Variants in ZNF438 observed in about 807,000 individuals in gnomAD.
ZNF438 encodes the protein zinc finger protein 438.
Under a neutral mutation model 38.0 loss-of-function variants are expected in ZNF438, and 25 were observed. That is an observed-to-expected ratio of 0.66 (90% CI 0.48 to 0.92). ZNF438 has a LOEUF of 0.92. Among genes scored for constraint, ZNF438 ranks in the 40% least tolerant of loss-of-function variants. The pLI is 0.00. For missense variants in ZNF438, 1,007 were observed against 999.6 expected, an observed-to-expected ratio of 1.01 and a Z score of -0.10; for synonymous variants, 372 against 364.1, an observed-to-expected ratio of 1.02 and a Z score of -0.25.
intron 1 of ZNF438, among the ~76,000 whole-genome samples, chr10:31,022,923 A>C (rs1017033364): frequency 3.3e-5 from 5 of 152,166 alleles, no homozygotes; most frequent in African/African-American, 1.2e-4. Flanking sequence ...GGAATGAACA[A>C]ACTTATTTCT....
intron 2 of ZNF438, among the ~76,000 whole-genome samples, chr10:30,932,095 C>CAAT (rs2045758780): frequency 6.6e-6 from 1 of 152,130 alleles, no homozygotes. Context: ...ACCCAACAGG[C>CAAT]AATATCTAAG....
At chr10:31,025,258 T>G (rs932864643) in intron 1 of ZNF438, among the ~76,000 whole-genome samples, 12 of 152,236 alleles carry the variant, frequency 7.9e-5, no homozygotes, top group Non-Finnish European at 1.6e-4. Context: ...TACTGACATT[T>G]TGAACTGGAT....
At chr10:30,919,077 C>T (rs565103933) in intron 2 of ZNF438, 2 of 152,326 alleles carry the variant, frequency 1.3e-5, no homozygotes, top group South Asian at 2.1e-4. Context: ...AGGATTCCTA[C>T]TTGGCCTTCT....
chr10:30,879,039 C>T (rs1240642600), intron 3 of ZNF438, among the ~76,000 whole-genome samples: 1 of 152,094 alleles, frequency 6.6e-6, no homozygotes, highest in African/African-American at 2.4e-5. Context: ...TTCCAGAATA[C>T]TGGAAAAGAG....
intron 1 of ZNF438, among the ~76,000 whole-genome samples, chr10:31,001,458 A>G (rs534279282): frequency 1.3e-5 from 2 of 152,320 alleles, no homozygotes; most frequent in African/African-American, 4.8e-5. Context: ...GAGTTCAATC[A>G]GATAATTGGA....
chr10:30,972,121 C>G (rs796741494), intron 1 of ZNF438, among the ~76,000 whole-genome samples: 2 of 141,820 alleles, frequency 1.4e-5, no homozygotes, highest in East Asian at 2.1e-4. Flanking sequence ...AGGTGCCCAC[C>G]ACCACGCCTG....
intron 1 of ZNF438, among the ~76,000 whole-genome samples, chr10:31,028,562 T>C (rs1190933747): frequency 6.6e-6 from 1 of 152,144 alleles, no homozygotes; most frequent in East Asian, 1.9e-4. Context: ...GCCCTTTTCA[T>C]GCCCCATCTC....
At chr10:31,017,318 T>C (rs2056271305) in intron 1 of ZNF438, among the ~76,000 whole-genome samples, 1 of 152,216 alleles carries the variant, frequency 6.6e-6, no homozygotes, top group South Asian at 2.1e-4. Context: ...TCCATTATCC[T>C]TTCTGGTCAT....
intron 4 of ZNF438, among the ~76,000 whole-genome samples, chr10:30,851,444 G>A (rs1040691220): frequency 1.3e-5 from 2 of 152,190 alleles, no homozygotes; most frequent in African/African-American, 2.4e-5. Context: ...ACATTTACTA[G>A]GCACCTACAT....
intron 1 of ZNF438, among the ~76,000 whole-genome samples, chr10:31,023,835 T>C (rs1027281407): frequency 3.9e-5 from 6 of 152,240 alleles, no homozygotes; most frequent in Admixed American, 6.5e-5. Context: ...ACTCTAAGTT[T>C]AAAGCTGGCT....
intron 1 of ZNF438, among the ~76,000 whole-genome samples, chr10:31,021,649 G>C (rs940838143): frequency 1.3e-5 from 2 of 152,056 alleles, no homozygotes; most frequent in African/African-American, 4.8e-5. Flanking sequence ...AATGATGTTA[G>C]ACAAATAGCA....
intron 2 of ZNF438, among the ~76,000 whole-genome samples, chr10:30,927,357 C>A (rs145938807): frequency 1.3e-5 from 2 of 152,220 alleles, no homozygotes; most frequent in African/African-American, 4.8e-5. Context: ...CCACAAAGGG[C>A]ATGTTCCCCA....
At chr10:30,961,810 C>T (rs1328090304) in intron 1 of ZNF438, among the ~76,000 whole-genome samples, 1 of 144,230 alleles carries the variant, frequency 6.9e-6, no homozygotes, top group Non-Finnish European at 1.6e-5. Flanking sequence ...ATCGCTTGAA[C>T]CCGGGAGGTG....
intron 3 of ZNF438, among the ~76,000 whole-genome samples, chr10:30,889,459 G>A (rs2040400891): frequency 6.6e-6 from 1 of 152,108 alleles, no homozygotes; most frequent in South Asian, 2.1e-4. Context: ...CACCCTGGAT[G>A]GAGTGGCACC....
At chr10:30,975,790 T>C (rs1589522629) in intron 1 of ZNF438, among the ~76,000 whole-genome samples, 1 of 152,304 alleles carries the variant, frequency 6.6e-6, no homozygotes, top group East Asian at 1.9e-4. Context: ...TAAGATTCCT[T>C]TTGATAAATA....
chr10:30,849,913 A>G (rs1231060141), exon 5 of ZNF438: 2 of 1,614,040 alleles, frequency 1.2e-6, no homozygotes, highest in Non-Finnish European at 1.7e-6. Context: ...CAGGGTGGTG[A>G]GGTGGGGAAG....
At chr10:30,979,313 A>G (rs543568214) in intron 1 of ZNF438, among the ~76,000 whole-genome samples, 10 of 152,232 alleles carry the variant, frequency 6.6e-5, no homozygotes, top group Non-Finnish European at 1.0e-4. Flanking sequence ...GGAAGAACCA[A>G]TATCACGGAA....
chr10:31,028,733 A>C (rs912174617), intron 1 of ZNF438, among the ~76,000 whole-genome samples: 8 of 152,210 alleles, frequency 5.3e-5, no homozygotes, highest in African/African-American at 1.9e-4. Context: ...CTGAACTTCC[A>C]AAACCTAACC....
chr10:30,849,448 T>A (rs751850163), exon 5 of ZNF438: 1 of 1,614,076 alleles, frequency 6.2e-7, no homozygotes, highest in African/African-American at 1.3e-5. Context: ...TAGGTCCTGG[T>A]AAAGAAAAAC....
Sources: gnomAD v4.1 joint callset for allele counts (sites outside exome capture counted in the v4.1 genomes callset) on GRCh38, gnomAD v4.1.1 for gene constraint, MANE v1.5 for transcripts, NCBI Gene and HGNC (gene_info 2026-07-23, HGNC 2026-07-21) for gene names.